Variants in PIGL observed in about 807,000 individuals in gnomAD.
PIGL encodes phosphatidylinositol glycan anchor biosynthesis class L, also known as N-acetylglucosaminyl-phosphatidylinositol de-N-acetylase.
A neutral mutation model predicts 31.1 loss-of-function variants in PIGL; 22 were observed. The ratio of observed to expected loss-of-function variants is 0.71; its 90% confidence interval spans 0.51 to 1.01. PIGL has a LOEUF of 1.01. Among genes scored for constraint, PIGL ranks in the 50% least tolerant of loss-of-function variants. The pLI, the probability that PIGL is intolerant of heterozygous loss-of-function variation, is 0.00. For synonymous variants in PIGL, 131 were observed against 117.4 expected (o/e 1.12, Z -0.75); for missense variants, 302 against 315.9 (o/e 0.96, Z 0.33).
At chr17:16,283,179 T>C (rs954337015) in intron 2 of PIGL, among the ~76,000 whole-genome samples, 2 of 152,028 alleles carry the variant, frequency 1.3e-5, no homozygotes, top group Admixed American at 1.3e-4. Flanking sequence ...ATTTTTGTAT[T>C]TTTAGTAGAG....
At chr17:16,258,103 A>AGAGAGAGAGAG (rs2092803342) in intron 2 of PIGL, among the ~76,000 whole-genome samples, 3 of 65,700 alleles carry the variant, frequency 4.6e-5, no homozygotes, top group Admixed American at 1.5e-4. Context: ...GAGAGAGAGA[A>AGAGAGAGAGAG]AGAGAGAGAG....
intron 2 of PIGL, among the ~76,000 whole-genome samples, chr17:16,272,741 C>T (rs2092877952): frequency 6.6e-6 from 1 of 152,182 alleles, no homozygotes; most frequent in Non-Finnish European, 1.5e-5. Context: ...GCTGACCACT[C>T]CCCCAATCCA....
At chr17:16,318,384 C>T (rs567545012) in intron 6 of PIGL, among the ~76,000 whole-genome samples, 11 of 151,886 alleles carry the variant, frequency 7.2e-5, no homozygotes, top group African/African-American at 2.4e-4. Flanking sequence ...GATTCTCCTG[C>T]CTCAGCCTCC....
At chr17:16,298,987 A>G (rs552135697) in intron 2 of PIGL, among the ~76,000 whole-genome samples, 11 of 152,036 alleles carry the variant, frequency 7.2e-5, no homozygotes, top group Non-Finnish European at 1.6e-4. Flanking sequence ...AGATCATGCC[A>G]TTACATTCCA....
chr17:16,288,353 C>T (rs1006813685), intron 2 of PIGL, among the ~76,000 whole-genome samples: 2 of 151,668 alleles, frequency 1.3e-5, no homozygotes, highest in African/African-American at 2.4e-5. Flanking sequence ...ATTACAGGTG[C>T]CTGCCACCAC....
intron 2 of PIGL, among the ~76,000 whole-genome samples, chr17:16,257,031 G>T (rs1483033245): frequency 4.6e-5 from 7 of 152,094 alleles, no homozygotes; most frequent in Non-Finnish European, 8.8e-5. Context: ...AGCCCAGGAA[G>T]TCGAGGCCGC....
intron 6 of PIGL, among the ~76,000 whole-genome samples, chr17:16,320,245 GGAAGGAAA>G (rs1162371312): frequency 5.7e-5 from 4 of 70,634 alleles, no homozygotes; most frequent in Non-Finnish European, 9.2e-5. Flanking sequence ...AAGGAAGGAA[GGAAGGAAA>G]GGAGGGAGGA....
Position 16,233,974 on chromosome 17 carries a change from A to T in PIGL, c.239A>T (p.Asn80Ile), listed in dbSNP as rs1466908404. 2 of 1,594,580 alleles carry T rather than the reference A, an allele frequency of 1.3e-6. No homozygotes were observed. The highest frequency in any genetic ancestry group is 2.7e-5 in the African/African-American group (2 of 74,472). Residue 80 changes from asparagine (N) to isoleucine (I), a missense_variant, in exon 2 of 7, where the codon AAT (asparagine) becomes ATT (isoleucine). Coordinates refer to ENST00000225609, the MANE Select transcript of PIGL (RefSeq NM_004278.4). ...WVYLLCFSAGNYYNQGETRKK... is the reference protein window; with the variant it reads ...WVYLLCFSAGIYYNQGETRKK... ...ACTGTATATTTGTTACCCTCAGGAA[A>T]TTACTACAATCAAGGAGAGACTCGT...
At chr17:16,280,382 C>T (rs1267942191) in intron 2 of PIGL, among the ~76,000 whole-genome samples, 1 of 152,210 alleles carries the variant, frequency 6.6e-6, no homozygotes, top group African/African-American at 2.4e-5. Context: ...AATTAGTTAA[C>T]TTTGAGTGAT....
chr17:16,316,838 C>A, intron 5 of PIGL, 126 bp downstream of exon 5: 1 of 1,507,460 alleles, frequency 6.6e-7, no homozygotes. Flanking sequence ...GGGGAGGCCG[C>A]CACACTCTTC....
intron 2 of PIGL, among the ~76,000 whole-genome samples, chr17:16,290,739 G>A (rs7215673): frequency 2.0e-5 from 3 of 151,842 alleles, no homozygotes; most frequent in Admixed American, 1.3e-4. Context: ...GCAGTACAGT[G>A]GTGCGATCAC....
At chr17:16,320,059 G>A (rs1266007131) in intron 6 of PIGL, among the ~76,000 whole-genome samples, 2 of 150,326 alleles carry the variant, frequency 1.3e-5, no homozygotes, top group African/African-American at 5.0e-5. Flanking sequence ...GTTGGGGTGG[G>A]AGGATGGCTT....
At chr17:16,313,796 ATC>A (rs758664200) in intron 4 of PIGL, among the ~76,000 whole-genome samples, 182 bp downstream of exon 4, 18 of 151,884 alleles carry the variant, frequency 1.2e-4, no homozygotes, top group Non-Finnish European at 2.6e-4. Flanking sequence ...TCGCTGAGAA[ATC>A]TCTCTCAAGT....
intron 2 of PIGL, among the ~76,000 whole-genome samples, chr17:16,297,846 T>C (rs3785623): frequency 0.54 from 82,562 of 151,838 alleles, 22,936 homozygotes; most frequent in African/African-American, 0.62. Flanking sequence ...AAGCAGAGGT[T>C]CCCAACCCCC....
intron 2 of PIGL, among the ~76,000 whole-genome samples, chr17:16,259,565 C>T (rs2092810864): frequency 6.6e-6 from 1 of 152,030 alleles, no homozygotes; most frequent in African/African-American, 2.4e-5. Context: ...CTCCCTCACA[C>T]CACACACAAA....
chr17:16,237,530 G>A (rs546783593), intron 2 of PIGL, among the ~76,000 whole-genome samples: 4 of 151,838 alleles, frequency 2.6e-5, no homozygotes, highest in African/African-American at 7.3e-5. Flanking sequence ...GTTGGGTGTG[G>A]TGGCTCCTAC....
chr17:16,238,132 G>T (rs985277456), intron 2 of PIGL, among the ~76,000 whole-genome samples: 1 of 149,232 alleles, frequency 6.7e-6, no homozygotes, highest in Non-Finnish European at 1.5e-5. Flanking sequence ...GGAGATGGAG[G>T]TTGCAGTGAG....
intron 2 of PIGL, among the ~76,000 whole-genome samples, chr17:16,262,093 C>T (rs1360762737): frequency 1.3e-5 from 2 of 151,818 alleles, no homozygotes; most frequent in African/African-American, 2.4e-5. Flanking sequence ...TGTGGTGGTG[C>T]GCACCTGTAA....
intron 2 of PIGL, among the ~76,000 whole-genome samples, chr17:16,275,027 G>A (rs374068617): frequency 1.1e-4 from 17 of 149,330 alleles, no homozygotes; most frequent in Middle Eastern, 3.4e-3. Flanking sequence ...GCAAGACTCC[G>A]TCTCAAAAAA....
Sources: allele counts gnomAD v4.1 joint callset (sites outside exome capture counted in the v4.1 genomes callset), GRCh38; gene constraint gnomAD v4.1.1; transcripts MANE v1.5; gene names NCBI Gene and HGNC (gene_info 2026-07-23, HGNC 2026-07-21).